SMIM31: variants seen among roughly 807,000 people sequenced by gnomAD.
SMIM31 encodes the protein human epithelial cell program regulator.
At chr4:164,763,713 G>A (rs552301859) in intron 1 of SMIM31, among the ~76,000 whole-genome samples, 1 of 152,258 alleles carries the variant, frequency 6.6e-6, no homozygotes, top group South Asian at 2.1e-4. Context: ...CATTTAGCTT[G>A]TTCTTATGGA....
In SMIM31 at chr4:164,758,589, GTATT is replaced by G. The variant is rs1190932846; in HGVS notation, c.-26+4182_-26+4185del. Among the ~76,000 whole-genome samples the G allele has an allele frequency of 5.1e-5, 7 of 136,656 alleles. No homozygotes were observed. The South Asian group carries it at 1.5e-3, about 29-fold the overall frequency. 89.7% of individuals were successfully genotyped at this position (136,656 alleles called of 152,430 possible). ...TTAATTTTTTTCAAATGCCTTGTCA[GTATT>G]TATGGAAATGACCATATATGTAGTT... On this transcript the variant is annotated intron_variant, in intron 1 of 2. Transcript: ENST00000507311.
intron 1 of SMIM31, among the ~76,000 whole-genome samples, chr4:164,767,998 G>A (rs1298063513): frequency 6.6e-6 from 1 of 152,022 alleles, no homozygotes; most frequent in Non-Finnish European, 1.5e-5. Flanking sequence ...ATTTTGGGAG[G>A]CAAGGTGGGT....
At chr4:164,772,585 A>ATTTATTTT (rs1553965346) in intron 2 of SMIM31, among the ~76,000 whole-genome samples, 14 of 142,778 alleles carry the variant, frequency 9.8e-5, no homozygotes, top group Middle Eastern at 3.5e-3. Context: ...TTTTTATTTT[A>ATTTATTTT]TTTTTTTTTT....
At chr4:164,788,015 CAA>C (rs1254648036) in intron 2 of SMIM31, among the ~76,000 whole-genome samples, 3 of 152,166 alleles carry the variant, frequency 2.0e-5, no homozygotes, top group African/African-American at 7.2e-5. Context: ...CAGTACTTTT[CAA>C]AGATTCTCCC....
intron 1 of SMIM31, among the ~76,000 whole-genome samples, chr4:164,759,580 T>A (rs1732618320): frequency 1.3e-5 from 2 of 152,036 alleles, no homozygotes; most frequent in African/African-American, 4.8e-5. Context: ...TCAAATTTAT[T>A]TTTATAGTGA....
intron 2 of SMIM31, among the ~76,000 whole-genome samples, chr4:164,785,005 C>G (rs1733009296): frequency 6.6e-6 from 1 of 151,544 alleles, no homozygotes; most frequent in South Asian, 2.1e-4. Flanking sequence ...GGGCGGATTG[C>G]CTGAGCTCAG....
Position 164,788,478 on chromosome 4 carries a change from C to CTTTTTTTTTTTTTTTT in SMIM31, c.113-12600_113-12585dup, listed in dbSNP as rs72177805. Among the ~76,000 whole-genome samples the CTTTTTTTTTTTTTTTT allele has an allele frequency of 5.1e-3, 295 of 58,194 alleles. 54 individuals carry two copies. The highest frequency in any genetic ancestry group is 5.9e-3 in the Non-Finnish European group (183 of 31,094). 38.2% of individuals were successfully genotyped at this position (58,194 alleles called of 152,430 possible). A position where few individuals can be genotyped will look rare whatever the true frequency, so the allele number is the denominator to read the frequency against. On this transcript the variant is annotated intron_variant, in intron 2 of 2. Transcript: ENST00000507311. ...ATAAAATTTCTTTCTTCTAATTTTTCTTTTTTTTTTTTTTTTTTTTTTTTT... is the reference window on the plus strand; with the variant it reads ...ATAAAATTTCTTTCTTCTAATTTTTCTTTTTTTTTTTTTTTTTTTTTTTTTTTTTTTTTTTTTTTTT...
intron 2 of SMIM31, among the ~76,000 whole-genome samples, chr4:164,773,558 G>A (rs562229628): frequency 5.3e-5 from 8 of 152,094 alleles, no homozygotes; most frequent in Non-Finnish European, 1.0e-4. Context: ...GATCTTGTGA[G>A]AACTCACTCA....
chr4:164,796,154 A>T (rs1438238506), intron 2 of SMIM31, among the ~76,000 whole-genome samples: 1 of 152,200 alleles, frequency 6.6e-6, no homozygotes, highest in African/African-American at 2.4e-5. Flanking sequence ...CCATCAGGAG[A>T]TGCACTATTT....
chr4:164,801,387 C>T lies in SMIM31; in HGVS notation c.*193C>T. The T allele has an allele frequency of 2.9e-6, 1 of 344,976 alleles. No homozygotes were observed. Among genetic ancestry groups the T allele is most frequent in the Non-Finnish European group, 5.2e-6 (1 of 194,056 alleles). The allele number at this position is 344,976 out of a possible 1,614,324, so 21.4% of individuals were successfully genotyped here. ...CACATTTCTGGGACTCAGCATTATC[C>T]AAAATATCTATTAAGAGCCATACAC... On this transcript the variant is annotated 3_prime_UTR_variant, in exon 3 of 3. Transcript: ENST00000507311.
intron 2 of SMIM31, among the ~76,000 whole-genome samples, chr4:164,782,463 C>G (rs573250466): frequency 6.4e-4 from 94 of 145,846 alleles, no homozygotes; most frequent in African/African-American, 2.1e-3. Flanking sequence ...ACTGCAAGCT[C>G]CGCTTCCCAG....
intron 1 of SMIM31, 78 bp from the exon 2 acceptor site, chr4:164,770,340 GA>G (rs1181725084): frequency 1.5e-5 from 6 of 396,852 alleles, no homozygotes; most frequent in Non-Finnish European, 2.7e-5. Context: ...CACACATGTT[GA>G]ATTCTAAAAT....
At chr4:164,769,182 T>C (rs994867751) in intron 1 of SMIM31, among the ~76,000 whole-genome samples, 1 of 152,188 alleles carries the variant, frequency 6.6e-6, no homozygotes, top group Non-Finnish European at 1.5e-5. Flanking sequence ...AAACTCACTC[T>C]GAGTTTTTTC....
chr4:164,786,309 A>G (rs1733025101), intron 2 of SMIM31, among the ~76,000 whole-genome samples: 1 of 152,098 alleles, frequency 6.6e-6, no homozygotes, highest in Non-Finnish European at 1.5e-5. Flanking sequence ...CCTAGCAGCT[A>G]CTGAAAATGC....
chr4:164,781,218 A>G (rs1732945353), intron 2 of SMIM31, among the ~76,000 whole-genome samples: 1 of 152,102 alleles, frequency 6.6e-6, no homozygotes, highest in Non-Finnish European at 1.5e-5. Context: ...TGCTGGTGGG[A>G]ACGCAAAATG....
At chr4:164,780,854 C>T (rs1368259378) in intron 2 of SMIM31, among the ~76,000 whole-genome samples, 1 of 152,032 alleles carries the variant, frequency 6.6e-6, no homozygotes, top group Non-Finnish European at 1.5e-5. Context: ...CTGTGTCACC[C>T]AGGCTAGGTA....
At chr4:164,780,895 C>G (rs1209826098) in intron 2 of SMIM31, among the ~76,000 whole-genome samples, 1 of 152,160 alleles carries the variant, frequency 6.6e-6, no homozygotes, top group Non-Finnish European at 1.5e-5. Context: ...ACTGAAGCCT[C>G]AAACTCCTGG....
chr4:164,766,753 G>A (rs183336888), intron 1 of SMIM31, among the ~76,000 whole-genome samples: 47 of 151,410 alleles, frequency 3.1e-4, no homozygotes, highest in Admixed American at 2.6e-3. Context: ...AGCTGAGATC[G>A]TGCCACTGCA....
At chr4:164,772,719 C>T (rs1732825714) in intron 2 of SMIM31, among the ~76,000 whole-genome samples, 1 of 151,710 alleles carries the variant, frequency 6.6e-6, no homozygotes, top group Non-Finnish European at 1.5e-5. Flanking sequence ...GCTGGGACTA[C>T]AGGCGCCCGC....
Sources: gnomAD v4.1 joint callset for allele counts (sites outside exome capture counted in the v4.1 genomes callset) on GRCh38, gnomAD v4.1.1 for gene constraint, MANE v1.5 for transcripts, NCBI Gene and HGNC (gene_info 2026-07-23, HGNC 2026-07-21) for gene names.